The following MAML2 variants were observed in gnomAD, a reference collection of about 807,000 sequenced individuals.
MAML2 encodes the protein mastermind-like protein 2.
MAML2 carries 22 observed loss-of-function variants against 96.1 expected under a neutral mutation model. The observed-to-expected ratio is 0.23, with a 90% CI of 0.16 to 0.33. The LOEUF (loss-of-function observed/expected upper bound fraction) is 0.33. Ranked by LOEUF, MAML2 falls within the 10% of genes least tolerant of loss-of-function variation. The pLI, the probability that MAML2 is intolerant of heterozygous loss-of-function variation, is 1.00. For synonymous variants in MAML2, 561 were observed against 521.3 expected (o/e 1.08, Z -1.04); for missense variants, 1,367 against 1,392.4 (o/e 0.98, Z 0.29).
intron 1 of MAML2, among the ~76,000 whole-genome samples, chr11:96,284,500 T>C (rs1240754030): frequency 6.6e-6 from 1 of 152,174 alleles, no homozygotes; most frequent in Non-Finnish European, 1.5e-5. Flanking sequence ...TGATAAGCTC[T>C]TTTCCACAGG....
At chr11:96,069,995 G>A (rs1253147746) in intron 2 of MAML2, among the ~76,000 whole-genome samples, 1 of 151,806 alleles carries the variant, frequency 6.6e-6, no homozygotes, top group African/African-American at 2.4e-5. Flanking sequence ...CTGTACTCCA[G>A]CCTGGTGACA....
chr11:96,256,446 T>G (rs760605989), intron 1 of MAML2, among the ~76,000 whole-genome samples: 4 of 152,190 alleles, frequency 2.6e-5, no homozygotes, highest in Admixed American at 2.0e-4. Context: ...CTCTTCCCTC[T>G]GCCTGAGGAA....
intron 3 of MAML2, among the ~76,000 whole-genome samples, chr11:95,989,206 C>G (rs1422897740): frequency 1.3e-5 from 2 of 152,252 alleles, no homozygotes; most frequent in African/African-American, 4.8e-5. Context: ...TGCCAACTGA[C>G]TGCAAATGAC....
At chr11:96,065,996 C>T (rs895568556) in intron 2 of MAML2, among the ~76,000 whole-genome samples, 1 of 152,170 alleles carries the variant, frequency 6.6e-6, no homozygotes, top group African/African-American at 2.4e-5. Context: ...CCCCTTTTCT[C>T]CCCAATCTCT....
At position 96,087,150 on chromosome 11, in the gene MAML2, C is replaced by T. The variant is rs529698464; in HGVS notation, c.2139+4742G>A. Among the ~76,000 whole-genome samples the T allele has an allele frequency of 2.6e-5, 4 of 152,114 alleles. No individual in the cohort carries two copies. In the South Asian group the frequency reaches 6.2e-4, roughly 24 times the overall value. ...GATTATAGCTACCATTTGAGTTATT[C>T]GTATATGGCACAAAGTTAGTGCTAA... On this transcript the variant is annotated intron_variant, in intron 2 of 4. Coordinates refer to ENST00000524717, the MANE Select transcript of MAML2 (RefSeq NM_032427.4).
chr11:96,219,149 T>A (rs1054073752), intron 1 of MAML2, among the ~76,000 whole-genome samples: 11 of 152,202 alleles, frequency 7.2e-5, no homozygotes, highest in African/African-American at 2.7e-4. Context: ...TTAAAAAGCT[T>A]TAAAACAACA....
chr11:96,124,073 G>A lies in MAML2; in HGVS notation c.514-30556C>T, dbSNP rs549859747. On this transcript the variant is annotated intron_variant, in intron 1 of 4. Transcript: ENST00000524717. ...CAACGAGCAACGAGCAACCAGCAAC[G>A]AGCAACGAGCAAAACTCTGTCTCAA... Among the ~76,000 whole-genome samples the A allele has an allele frequency of 5.0e-5, 6 of 120,638 alleles. No individual in the cohort carries two copies. The East Asian group carries it at 1.5e-3, about 30-fold the overall frequency. 79.1% of individuals were successfully genotyped at this position (120,638 alleles called of 152,430 possible).
intron 1 of MAML2, among the ~76,000 whole-genome samples, chr11:96,172,665 G>T (rs1049260672): frequency 6.6e-6 from 1 of 152,172 alleles, no homozygotes; most frequent in Non-Finnish European, 1.5e-5. Context: ...ATATGAAGTA[G>T]CATATGTGTT....
At chr11:96,150,958 C>A (rs1434785280) in intron 1 of MAML2, among the ~76,000 whole-genome samples, 1 of 152,202 alleles carries the variant, frequency 6.6e-6, no homozygotes, top group African/African-American at 2.4e-5. Context: ...CCTCCCTAGA[C>A]CTACCGAATC....
intron 1 of MAML2, among the ~76,000 whole-genome samples, chr11:96,142,608 T>G (rs1212200125): frequency 1.3e-5 from 2 of 152,236 alleles, no homozygotes; most frequent in Admixed American, 1.3e-4. Flanking sequence ...TTGCCCTATA[T>G]TTTGCACTTT....
At chr11:96,235,754 C>G (rs1374140244) in intron 1 of MAML2, among the ~76,000 whole-genome samples, 1 of 152,178 alleles carries the variant, frequency 6.6e-6, no homozygotes, top group African/African-American at 2.4e-5. Context: ...AAGATGTACA[C>G]TTTCTTTTTC....
intron 2 of MAML2, among the ~76,000 whole-genome samples, chr11:96,090,503 G>C (rs751185113): frequency 6.6e-6 from 1 of 152,182 alleles, no homozygotes; most frequent in African/African-American, 2.4e-5. Flanking sequence ...GTCAGAGTAA[G>C]AATTTGAACC....
intron 1 of MAML2, among the ~76,000 whole-genome samples, chr11:96,308,354 A>G (rs1053136023): frequency 2.6e-5 from 4 of 152,232 alleles, no homozygotes; most frequent in African/African-American, 9.6e-5. Context: ...TCTAACATAC[A>G]TATGGGTGAC....
intron 1 of MAML2, among the ~76,000 whole-genome samples, chr11:96,291,520 ATCTTAGTTCATGTGAC>A (rs894069507): frequency 6.6e-6 from 1 of 152,112 alleles, no homozygotes; most frequent in African/African-American, 2.4e-5. Context: ...GATGAGGTAA[ATCTTAGTTCATGTGAC>A]ATAATACTCT....
intron 1 of MAML2, among the ~76,000 whole-genome samples, chr11:96,176,474 G>A (rs1861389991): frequency 6.6e-6 from 1 of 152,280 alleles, no homozygotes; most frequent in Non-Finnish European, 1.5e-5. Flanking sequence ...GTAGGAGAGA[G>A]CTAAGGTACC....
intron 2 of MAML2, among the ~76,000 whole-genome samples, chr11:96,019,673 GATAATAATAATT>G (rs1197241274): frequency 0.14 from 1,784 of 12,422 alleles, 55 homozygotes; most frequent in Admixed American, 0.4. Context: ...GCCAAGGGCT[GATAATAATAATT>G]ATAATAATAA....
At chr11:96,328,304 C>A (rs4753196) in intron 1 of MAML2, among the ~76,000 whole-genome samples, 86,682 of 151,960 alleles carry the variant, frequency 0.57, 26,004 homozygotes, top group African/African-American at 0.77. Flanking sequence ...AAAATTCCAG[C>A]AAATCTTAAC....
rs1002149957 is a variant in MAML2, at chr11:96,342,321, A to G, written c.-426T>C. 1.2e-5 allele frequency: 5 copies of G among 405,170 alleles called. No homozygotes were observed. Among genetic ancestry groups the G allele is most frequent in the Middle Eastern group, 6.3e-4 (1 of 1,590 alleles). The allele number at this position is 405,170 out of a possible 1,614,324, so 25.1% of individuals were successfully genotyped here. A position where few individuals can be genotyped will look rare whatever the true frequency, so the allele number is the denominator to read the frequency against. On this transcript the variant is annotated 5_prime_UTR_variant, in exon 1 of 5. Transcript: ENST00000524717. ...AACACACAGCAAAAGGTATTGAGAG[A>G]GGTATTAATAGAGAGGACTCCCCCT... is the stretch of plus-strand genomic sequence containing the variant.
At chr11:96,113,101 T>G (rs1238809532) in intron 1 of MAML2, among the ~76,000 whole-genome samples, 18 of 152,032 alleles carry the variant, frequency 1.2e-4, no homozygotes, top group Admixed American at 8.5e-4. Context: ...AAGGATAGTT[T>G]TTCTAGAAAA....
Sources: gnomAD v4.1 joint callset for allele counts (sites outside exome capture counted in the v4.1 genomes callset) on GRCh38, gnomAD v4.1.1 for gene constraint, MANE v1.5 for transcripts, NCBI Gene and HGNC (gene_info 2026-07-23, HGNC 2026-07-21) for gene names.